DCAF11: variants seen among roughly 807,000 people sequenced by gnomAD.
DCAF11 encodes DDB1 and CUL4 associated factor 11.
In DCAF11, 44 loss-of-function variants were observed where a neutral mutation model predicts 76.1. That is an observed-to-expected ratio of 0.58 (90% CI 0.45 to 0.74). DCAF11 has a LOEUF of 0.74. DCAF11 is among the 30% of genes least tolerant of loss of function. The pLI, the probability that DCAF11 is intolerant of heterozygous loss-of-function variation, is 0.00. For missense variants in DCAF11, 604 were observed against 709.4 expected (o/e 0.85, Z 1.69); for synonymous variants, 258 against 255.0 (o/e 1.01, Z -0.11).
At position 24,115,188 on chromosome 14, in the gene DCAF11, A is replaced by T. The variant is rs1047017074; in HGVS notation, c.-319A>T. On this transcript the variant is annotated 5_prime_UTR_variant, in exon 1 of 15. In the 5' UTR this introduces an upstream ATG that the reference lacks. Coordinates refer to ENST00000446197, the MANE Select transcript of DCAF11 (RefSeq NM_025230.5). ...TTGGTTAGATGAGATAAGCTAGTGA[A>T]GCGCTTTCTTCCGAGAGGGATTTCG... The T allele has an allele frequency of 9.2e-6, 2 of 217,830 alleles. No homozygotes were observed. The highest frequency in any genetic ancestry group is 1.6e-5 in the Non-Finnish European group (2 of 125,624). 13.5% of individuals were successfully genotyped at this position (217,830 alleles called of 1,614,324 possible). A position where few individuals can be genotyped will look rare whatever the true frequency, so the allele number is the denominator to read the frequency against.
Position 24,117,119 on chromosome 14 carries a change from C to T in DCAF11, c.283+75C>T. The T allele has an allele frequency of 1.2e-6, 2 of 1,610,802 alleles. No individual in the cohort carries two copies. The highest frequency in any genetic ancestry group is 1.7e-6 in the Non-Finnish European group (2 of 1,177,892). On this transcript the variant is annotated intron_variant, in intron 3 of 14. Transcript: ENST00000446197. The surrounding 1 kb of genome is among the most constrained non-coding windows in gnomAD (Gnocchi z 4.3). ...TAGTGATATTTTGAATGATAGGTTACATTGAAAGAAGGTACGATAATTTAA... is the reference window on the plus strand; with the variant it reads ...TAGTGATATTTTGAATGATAGGTTATATTGAAAGAAGGTACGATAATTTAA...
chr14:24,119,521 C>G, intron 9 of DCAF11, 38 bp from the exon 10 acceptor site: 18 of 1,612,410 alleles, frequency 1.1e-5, no homozygotes, highest in Non-Finnish European at 1.5e-5. Flanking sequence ...TCCTCTCGAT[C>G]ATGGCTCCAG....
rs2037613913 is a variant in DCAF11 at position 24,117,977 on chromosome 14, G to A, written c.477-78G>A. ...GAAGAATGACTGTTCTGATATTCCA[G>A]CTCTGTTAGGATTCTGCTGATTGGG... On this transcript the variant is annotated intron_variant, in intron 5 of 14. Coordinates refer to ENST00000446197, the MANE Select transcript of DCAF11 (RefSeq NM_025230.5). This position sits in a 1 kb window ranked among gnomAD's most constrained non-coding sequence, Gnocchi z 4.3. The A allele has an allele frequency of 1.8e-6, 2 of 1,087,412 alleles. No individual in the cohort carries two copies. Among genetic ancestry groups the A allele is most frequent in the African/African-American group, 1.6e-5 (1 of 63,194 alleles). The allele number at this position is 1,087,412 out of a possible 1,614,324, so 67.4% of individuals were successfully genotyped here.
Position 24,123,270 on chromosome 14 carries a change from A to C in DCAF11, c.1602A>C (p.Pro534=), listed in dbSNP as rs983402214. ...AGGAATGTGCCAGCGCCCCTGCCCC[A>C]GTGCCCCAATCCTCTACACCCTTTT... The part of the protein sequence containing the change: ...ESEECASAPA[P]VPQSSTPFSS... Residue 534 remains proline, a synonymous_variant, in exon 15 of 15, where the codon CCA becomes CCC. Transcript: ENST00000446197. 1.1e-5 allele frequency: 17 copies of C among 1,559,790 alleles called. No individual in the cohort carries two copies. Among genetic ancestry groups the C allele is most frequent in the Non-Finnish European group, 1.5e-5 (17 of 1,151,538 alleles).
Position 24,119,827 on chromosome 14 carries a change from G to A in DCAF11, c.1023G>A (p.Arg341=), listed in dbSNP as rs2037656974. The change falls in exon 11 of 15, where the codon CGG becomes CGA. Residue 341 remains arginine, a synonymous_variant. Transcript: ENST00000446197. ...AAGTGTGGGATCGACGCACCATGCG[G>A]GAGGATGACCCCAAGCCTGTGGGTG... is the stretch of plus-strand genomic sequence containing the variant. ...ICKVWDRRTM[R]EDDPKPVGAL... The A allele has an allele frequency of 5.0e-6, 8 of 1,614,086 alleles. No individual in the cohort carries two copies. Among genetic ancestry groups the A allele is most frequent in the Non-Finnish European group, 6.8e-6 (8 of 1,180,038 alleles).
At position 24,115,653 on chromosome 14, in the gene DCAF11, T is replaced by G; in HGVS notation, c.59T>G (p.Leu20Trp). The G allele has an allele frequency of 6.2e-7, 1 of 1,613,978 alleles. No homozygotes were observed. The highest frequency in any genetic ancestry group is 8.5e-7 in the Non-Finnish European group (1 of 1,179,962). The change falls in exon 2 of 15, where the codon TTG (leucine) becomes TGG (tryptophan). Residue 20 changes from leucine to tryptophan, a missense_variant. Transcript: ENST00000446197. Reference sequence around the variant, plus strand: ...GGGTCCGGAGACCCCTCCGAGGGCTTGCCCCGAAGAGGGGCTGGCCTGCGT... The same window carrying G: ...GGGTCCGGAGACCCCTCCGAGGGCTGGCCCCGAAGAGGGGCTGGCCTGCGT... ...GSGSGDPSEG[L>W]PRRGAGLRRS...
chr14:24,119,110 G>A, intron 8 of DCAF11, 35 bp from the exon 9 acceptor site: 1 of 1,613,806 alleles, frequency 6.2e-7, no homozygotes, highest in Non-Finnish European at 8.5e-7. Flanking sequence ...AAAGCTGAAG[G>A]AAGTCCACTT....
Position 24,123,194 on chromosome 14 carries a change from T to G in DCAF11, c.1526T>G (p.Leu509Arg). 6.2e-7 allele frequency: 1 copy of G among 1,608,096 alleles called. No homozygotes were observed. The change falls in exon 15 of 15, where the codon CTG becomes CGG. Residue 509 changes from leucine to arginine, a missense_variant. By Grantham distance (102) the Leu-to-Arg change is moderately radical. Transcript: ENST00000446197. ...CTGCAGTGGGACGGGAACCTGCGTC[T>G]GTGGCAGTACCGCCAGGCTGAGTAC... ...VSSSWDGNLRLWQYRQAEYFQ... is the reference protein window; with the variant it reads ...VSSSWDGNLRRWQYRQAEYFQ...
rs1041119758 is a variant in DCAF11, at chr14:24,117,827, T to A, written c.476+95T>A. ...AGGTGTTAAAGGAGCCTCAGAGATA[T>A]TAAAGGTTAGGTTAAATGGGGTTGA... On this transcript the variant is annotated intron_variant, in intron 5 of 14. Transcript: ENST00000446197. This position sits in a 1 kb window ranked among gnomAD's most constrained non-coding sequence, Gnocchi z 4.3. The A allele has an allele frequency of 1.6e-5, 21 of 1,329,952 alleles. No individual in the cohort carries two copies. The highest frequency in any genetic ancestry group is 2.9e-5 in the African/African-American group (2 of 67,810). The allele number at this position is 1,329,952 out of a possible 1,614,324, so 82.4% of individuals were successfully genotyped here.
rs1268348290 is a variant in DCAF11, at chr14:24,123,983, G to C, written c.*674G>C. The stretch of plus-strand genomic sequence containing the variant: ...AAGTAGGTTGAAGTAGGACTCCTTC[G>C]TCCTCTCACTGGCTTTGGCTCCCTC... On this transcript the variant is annotated 3_prime_UTR_variant, in exon 15 of 15. Transcript: ENST00000446197. The C allele has an allele frequency of 6.6e-6, 1 of 152,170 alleles. No homozygotes were observed. Among genetic ancestry groups the C allele is most frequent in the Admixed American group, 6.5e-5 (1 of 15,272 alleles). 9.4% of individuals were successfully genotyped at this position (152,170 alleles called of 1,614,324 possible).
chr14:24,119,818 C>T lies in DCAF11; in HGVS notation c.1014C>T (p.Arg338=). The part of the protein sequence containing the change: ...DDAICKVWDR[R]TMREDDPKPV... ...CCATCTGCAAAGTGTGGGATCGACG[C>T]ACCATGCGGGAGGATGACCCCAAGC... The change falls in exon 11 of 15, where the codon CGC becomes CGT. Residue 338 remains arginine (R), a synonymous_variant. Coordinates refer to ENST00000446197, the MANE Select transcript of DCAF11 (RefSeq NM_025230.5). The T allele has an allele frequency of 6.2e-7, 1 of 1,614,210 alleles. No homozygotes were observed. Among genetic ancestry groups the T allele is most frequent in the Non-Finnish European group, 8.5e-7 (1 of 1,180,034 alleles).
rs1344517033 is a variant in DCAF11, at chr14:24,118,817, C to G, written c.779+13C>G. On this transcript the variant is annotated intron_variant, in intron 8 of 14. Transcript: ENST00000446197. ...CCCTGGATCTCAGGTACTGGCTTCC[C>G]TTTCTGGTCAGACTCATCAGAAACT... The G allele has an allele frequency of 1.9e-6, 3 of 1,613,764 alleles. No individual in the cohort carries two copies. The highest frequency in any genetic ancestry group is 2.2e-5 in the East Asian group (1 of 44,892).
At chr14:24,115,775 C>A in intron 2 of DCAF11, 26 bp downstream of exon 2, 1 of 1,604,246 alleles carries the variant, frequency 6.2e-7, no homozygotes, top group South Asian at 1.1e-5. Flanking sequence ...GTGTGACCCC[C>A]AGCAGGTGCT....
intron 6 of DCAF11, 25 bp downstream of exon 6, chr14:24,118,180 T>C (rs1360834331): frequency 1.3e-6 from 2 of 1,595,364 alleles, no homozygotes; most frequent in African/African-American, 2.7e-5. Context: ...TCCTATAAAC[T>C]ATCTTTTCCT....
Position 24,124,735 on chromosome 14 carries a change from A to G in DCAF11, c.*1426A>G, listed in dbSNP as rs1357634520. 1.3e-5 allele frequency: 2 copies of G among 152,326 alleles called. No homozygotes were observed. Among genetic ancestry groups the G allele is most frequent in the African/African-American group, 2.4e-5 (1 of 41,448 alleles). 9.4% of individuals were successfully genotyped at this position (152,326 alleles called of 1,614,324 possible). On this transcript the variant is annotated 3_prime_UTR_variant, in exon 15 of 15. Transcript: ENST00000446197. ...AGCCTGGGCAACATGGCAAAACCCC[A>G]TCTCTACAAAAAATACAAAAAGTAG...
At position 24,115,375 on chromosome 14, in the gene DCAF11, T is replaced by A; in HGVS notation, c.-213-7T>A. On this transcript the variant is annotated splice_region_variant and splice_polypyrimidine_tract_variant and intron_variant, in intron 1 of 14. Transcript: ENST00000446197. ...TACGGTTCACTCTTGCTTTCTTTGC[T>A]TCACAGGATTGGAGAAGGTTTGTGT... is the stretch of plus-strand genomic sequence containing the variant. 1 of 510,828 alleles carries A rather than the reference T, an allele frequency of 2.0e-6. No individual in the cohort carries two copies. The highest frequency in any genetic ancestry group is 3.3e-6 in the Non-Finnish European group (1 of 305,544). 31.6% of individuals were successfully genotyped at this position (510,828 alleles called of 1,614,324 possible).
chr14:24,121,200 G>T, intron 12 of DCAF11, 165 bp from the exon 13 acceptor site: 1 of 1,114,606 alleles, frequency 9.0e-7, no homozygotes, highest in South Asian at 1.5e-5. Context: ...AACCGGCAGG[G>T]CCATATTGGA....
In DCAF11 at chr14:24,117,927, CG is replaced by C; in HGVS notation, c.477-125del. On this transcript the variant is annotated intron_variant, in intron 5 of 14. Transcript: ENST00000446197. This position sits in a 1 kb window ranked among gnomAD's most constrained non-coding sequence, Gnocchi z 4.3. ...AGAGGATGGTGGAATGGTTGAAAGA[CG>C]GGATTGCACTCACAGCCAAAAGGGA... The C allele has an allele frequency of 1.1e-6, 1 of 877,808 alleles. No individual in the cohort carries two copies. Among genetic ancestry groups the C allele is most frequent in the Middle Eastern group, 2.9e-4 (1 of 3,504 alleles). 54.4% of individuals were successfully genotyped at this position (877,808 alleles called of 1,614,324 possible). A position where few individuals can be genotyped will look rare whatever the true frequency, so the allele number is the denominator to read the frequency against.
Position 24,118,668 on chromosome 14 carries a change from CCT to C in DCAF11, c.725-81_725-80del, listed in dbSNP as rs2139016095. ...CCAAAGTGCTCCAGTACCCTTGTCC[CCT>C]GTTTGATCTCTTCCCTAGCTTCACT... On this transcript the variant is annotated intron_variant, in intron 7 of 14. Coordinates refer to ENST00000446197, the MANE Select transcript of DCAF11 (RefSeq NM_025230.5). 5.6e-6 allele frequency: 9 copies of C among 1,597,790 alleles called. No homozygotes were observed. In the South Asian group the frequency reaches 8.8e-5, roughly 16 times the overall value.
Sources: gnomAD v4.1 joint callset for allele counts on GRCh38, gnomAD v4.1.1 for gene constraint, Gnocchi (gnomAD v3.1) non-coding constraint, MANE v1.5 for transcripts, NCBI Gene and HGNC (gene_info 2026-07-23, HGNC 2026-07-21) for gene names.